Variants in GUCA1C observed in about 807,000 individuals in gnomAD.
GUCA1C encodes the protein guanylate cyclase activator 1C.
In GUCA1C, 15 loss-of-function variants were observed where a neutral mutation model predicts 16.2. That is an observed-to-expected ratio of 0.93 (90% CI 0.62 to 1.43). The LOEUF (loss-of-function observed/expected upper bound fraction) is 1.43, where lower values mean the gene tolerates loss of function less well. Ranked by LOEUF, GUCA1C falls within the 40% of genes most tolerant of loss-of-function variation. The pLI is 0.00. For missense variants in GUCA1C, 275 were observed against 244.8 expected (o/e 1.12, Z -0.82); for synonymous variants, 78 against 85.4 (o/e 0.91, Z 0.48).
upstream of GUCA1C, chr3:108,953,969 T>C (rs959114157): frequency 3.2e-5 from 18 of 571,284 alleles, no homozygotes; most frequent in Non-Finnish European, 5.0e-5. Flanking sequence ...CACTTGGCAC[T>C]TGGTAACTAA....
intron 1 of GUCA1C, among the ~76,000 whole-genome samples, chr3:108,949,912 T>C (rs911140743): frequency 6.6e-6 from 1 of 152,216 alleles, no homozygotes; most frequent in African/African-American, 2.4e-5. Context: ...CAAGATTTTC[T>C]TTCTTAGAAA....
intron 1 of GUCA1C, among the ~76,000 whole-genome samples, chr3:108,927,086 G>T (rs1341787376): frequency 6.6e-6 from 1 of 151,848 alleles, no homozygotes; most frequent in Non-Finnish European, 1.5e-5. Flanking sequence ...TAGGGTTTCT[G>T]CTAGAAATCT....
intron 1 of GUCA1C, among the ~76,000 whole-genome samples, chr3:108,939,450 C>G (rs1357562961): frequency 6.7e-6 from 1 of 149,630 alleles, no homozygotes; most frequent in Admixed American, 6.7e-5. Context: ...CCTCAGCCAC[C>G]CGAGTCGCTG....
chr3:108,939,341 T>TTTTTTTTTTTTTTTTTC lies in GUCA1C; in HGVS notation c.204+14217_204+14218insGAAAAAAAAAAAAAAAA. Among the ~76,000 whole-genome samples, 2 of 126,226 alleles carry TTTTTTTTTTTTTTTTTC rather than the reference T, an allele frequency of 1.6e-5. 1 individual carries two copies. Among genetic ancestry groups the TTTTTTTTTTTTTTTTTC allele is most frequent in the South Asian group, 5.5e-4 (2 of 3,620 alleles). 82.8% of individuals were successfully genotyped at this position (126,226 alleles called of 152,430 possible). A position where few individuals can be genotyped will look rare whatever the true frequency, so the allele number is the denominator to read the frequency against. On this transcript the variant is annotated intron_variant, in intron 1 of 3. Transcript: ENST00000261047. The stretch of plus-strand genomic sequence containing the variant: ...CTTCAAGGCTTTTTTTTTTTTTTTT[T>TTTTTTTTTTTTTTTTTC]TTTTTTTTGAGACGGAATCTTGCTC...
Position 108,920,881 on chromosome 3 carries a change from C to A in GUCA1C, c.205-296G>T, listed in dbSNP as rs75457841. Among the ~76,000 whole-genome samples the A allele has an allele frequency of 7.7e-4, 117 of 152,252 alleles. No individual in the cohort carries two copies. The Middle Eastern group carries it at 0.014, about 18-fold the overall frequency. Reference sequence around the variant, plus strand: ...TTCCTGTATACTCCCCGTCCCCACACATGCATAGCCTCCCACCAGAATGGT... The same window carrying A: ...TTCCTGTATACTCCCCGTCCCCACAAATGCATAGCCTCCCACCAGAATGGT... On this transcript the variant is annotated intron_variant, in intron 1 of 3. Transcript: ENST00000261047.
At chr3:108,941,931 G>A (rs1015885300) in intron 1 of GUCA1C, among the ~76,000 whole-genome samples, 6 of 152,180 alleles carry the variant, frequency 3.9e-5, no homozygotes, top group Admixed American at 6.5e-5. Flanking sequence ...AGCCAGTTAT[G>A]CTCTAGCTGT....
chr3:108,915,272 G>A (rs1394638276), intron 3 of GUCA1C, among the ~76,000 whole-genome samples: 2 of 152,220 alleles, frequency 1.3e-5, no homozygotes, highest in Non-Finnish European at 2.9e-5. Context: ...TTTGGAAGGA[G>A]TTTTGGAATG....
At chr3:108,916,273 A>G in intron 2 of GUCA1C, 59 bp from the exon 3 acceptor site, 1 of 1,543,976 alleles carries the variant, frequency 6.5e-7, no homozygotes, top group Non-Finnish European at 8.9e-7. Context: ...ACATTTTGCA[A>G]CATTTCTGCT....
At chr3:108,908,973 A>G (rs1416367420) in intron 3 of GUCA1C, among the ~76,000 whole-genome samples, 1 of 152,198 alleles carries the variant, frequency 6.6e-6, no homozygotes, top group Non-Finnish European at 1.5e-5. Flanking sequence ...AAGAGACTGT[A>G]CCCAGGGGAG....
rs200545738 is a variant in GUCA1C at position 108,953,633 on chromosome 3, A to G, written c.130T>C (p.Leu44=). 3.0e-5 allele frequency: 48 copies of G among 1,613,046 alleles called. No individual in the cohort carries two copies. The highest frequency in any genetic ancestry group is 4.0e-5 in the Non-Finnish European group (47 of 1,179,122). Residue 44 remains leucine (L), a synonymous_variant, in exon 1 of 4, where the codon TTG becomes CTG. Coordinates refer to ENST00000261047, the MANE Select transcript of GUCA1C (RefSeq NM_005459.4). The stretch of plus-strand genomic sequence containing the variant: ...TTCTGATTCAGACCTTGCAGACCCA[A>G]AAGTGTCTTAAATTCATGTAGTGTT... ...LQTLHEFKTL[L]GLQGLNQKAN...
rs568474968 is a variant in GUCA1C, at chr3:108,932,477, C to T, written c.205-11892G>A. Among the ~76,000 whole-genome samples, 211 of 152,252 alleles carry T rather than the reference C, an allele frequency of 1.4e-3. 1 individual carries two copies. Among genetic ancestry groups the T allele is most frequent in the African/African-American group, 4.7e-3 (197 of 41,536 alleles). On this transcript the variant is annotated intron_variant, in intron 1 of 3. Transcript: ENST00000261047. Reference sequence around the variant, plus strand: ...AGCTGTTTTTCTAATCCACACCTTTCTCTGTAGGCAATTTTATCATCTAGC... The same window carrying T: ...AGCTGTTTTTCTAATCCACACCTTTTTCTGTAGGCAATTTTATCATCTAGC...
chr3:108,919,517 A>G (rs1946550360), intron 2 of GUCA1C, among the ~76,000 whole-genome samples: 1 of 152,196 alleles, frequency 6.6e-6, no homozygotes, highest in African/African-American at 2.4e-5. Context: ...TCTATGTGAA[A>G]TTAAAACATT....
At chr3:108,917,652 G>A (rs917093097) in intron 2 of GUCA1C, among the ~76,000 whole-genome samples, 6 of 152,158 alleles carry the variant, frequency 3.9e-5, no homozygotes, top group African/African-American at 1.2e-4. Context: ...GCTAATTTCA[G>A]TGTTCCCTGG....
chr3:108,953,718 AG>A lies in GUCA1C; in HGVS notation c.44del (p.Pro15LeufsTer13), dbSNP rs1480040991. 1 of 1,613,200 alleles carries A rather than the reference AG, an allele frequency of 6.2e-7. No homozygotes were observed. On this transcript the variant is annotated frameshift_variant, in exon 1 of 4. Coordinates refer to ENST00000261047, the MANE Select transcript of GUCA1C (RefSeq NM_005459.4). LOFTEE classifies it high-confidence loss of function. The stretch of plus-strand genomic sequence containing the variant: ...TGTACCACACATGGGTCTCTTGTGT[AG>A]GAACTGCTTTCTGATCACCAGCTAT... The part of the protein sequence containing the change: ...KSIAGDQKAV[P>X]TQETHVWYRT...
intron 1 of GUCA1C, among the ~76,000 whole-genome samples, chr3:108,937,456 A>G (rs542101597): frequency 1.3e-5 from 2 of 152,338 alleles, no homozygotes; most frequent in Admixed American, 1.3e-4. Context: ...TGTCCCAATA[A>G]TAGAGCTATG....
chr3:108,939,635 C>CT lies in GUCA1C; in HGVS notation c.204+13923dup, dbSNP rs34695037. On this transcript the variant is annotated intron_variant, in intron 1 of 3. Transcript: ENST00000261047. ...AGCCACCGCGCCCGGCCAAGGCTGA[C>CT]TTTTTTTTTTTTAACCAGGACTGTA... Among the ~76,000 whole-genome samples the CT allele has an allele frequency of 4.8e-3, 695 of 146,224 alleles. 5 individuals carry two copies. The highest frequency in any genetic ancestry group is 0.014 in the African/African-American group (560 of 40,040).
intron 1 of GUCA1C, among the ~76,000 whole-genome samples, chr3:108,950,184 C>G (rs776879291): frequency 6.6e-6 from 1 of 152,144 alleles, no homozygotes; most frequent in East Asian, 1.9e-4. Context: ...CCAAGCATGT[C>G]CCCCAGGTTC....
intron 1 of GUCA1C, among the ~76,000 whole-genome samples, chr3:108,936,101 C>CA (rs1467321280): frequency 2.0e-5 from 3 of 151,996 alleles, no homozygotes; most frequent in East Asian, 3.9e-4. Context: ...CCCGTCTCTA[C>CA]AAAAAATACA....
Position 108,942,164 on chromosome 3 carries a change from AT to A in GUCA1C, c.204+11394del, listed in dbSNP as rs1946792999. ...TCATGTGTAAATGCGGATGAGAAAA[AT>A]AGTATCTACTCTATAATATTGTTGT... On this transcript the variant is annotated intron_variant, in intron 1 of 3. Transcript: ENST00000261047. 1.1e-4 allele frequency among the ~76,000 whole-genome samples: 17 copies of A among 152,316 alleles called. 1 individual carries two copies. The South Asian group carries it at 3.5e-3, about 32-fold the overall frequency.
Sources: gnomAD v4.1 joint callset for allele counts (sites outside exome capture counted in the v4.1 genomes callset) on GRCh38, gnomAD v4.1.1 for gene constraint, MANE v1.5 for transcripts, NCBI Gene and HGNC (gene_info 2026-07-23, HGNC 2026-07-21) for gene names.